Variants in GRIK5 observed in about 807,000 individuals in gnomAD.
GRIK5 encodes glutamate receptor ionotropic, kainate 5.
A neutral mutation model predicts 97.4 loss-of-function variants in GRIK5; 43 were observed. The observed-to-expected ratio is 0.44, with a 90% CI of 0.35 to 0.57. The LOEUF (loss-of-function observed/expected upper bound fraction) is 0.57, where lower values mean the gene tolerates loss of function less well. Ranked by LOEUF, GRIK5 falls within the 20% of genes least tolerant of loss-of-function variation. GRIK5 has a pLI of 0.01. For synonymous variants in GRIK5, 580 were observed against 583.5 expected (o/e 0.99, Z 0.09); for missense variants, 1,015 against 1,382.0 (o/e 0.73, Z 4.21).
rs1188232531 is a variant in GRIK5, at chr19:42,062,810, G to A, written c.290C>T (p.Ser97Phe). Residue 97 changes from serine to phenylalanine, a missense_variant, in exon 4 of 20, where the codon TCC (serine) becomes TTC (phenylalanine). Transcript: ENST00000593562. This position sits in a 1 kb window ranked among gnomAD's most constrained non-coding sequence, Gnocchi z 5.3. Reference sequence around the variant, plus strand: ...GGTGGAGGCAGATGCTGGGCTAGAGGAGGGCCCAAGGACAGACACAACCCC... The same window carrying A: ...GGTGGAGGCAGATGCTGGGCTAGAGAAGGGCCCAAGGACAGACACAACCCC... ...PKGVVSVLGP[S>F]SSPASASTVS... is the part of the protein sequence containing the mutation. The A allele has an allele frequency of 6.2e-7, 1 of 1,614,008 alleles. No homozygotes were observed. Among genetic ancestry groups the A allele is most frequent in the South Asian group, 1.1e-5 (1 of 91,084 alleles).
chr19:42,053,576 C>T, intron 11 of GRIK5, 26 bp downstream of exon 11: 1 of 1,379,140 alleles, frequency 7.3e-7, no homozygotes, highest in South Asian at 1.2e-5. Flanking sequence ...AGCGCCACTC[C>T]CAGGCCCCCA....
rs987697761 is a variant in GRIK5, at chr19:42,070,074, G to A, written c.-884C>T. Among the ~76,000 whole-genome samples the A allele has an allele frequency of 6.7e-6, 1 of 148,222 alleles. No homozygotes were observed. The highest frequency in any genetic ancestry group is 6.7e-5 in the Admixed American group (1 of 15,030). On this transcript the variant is annotated 5_prime_UTR_variant, in exon 1 of 20. Transcript: ENST00000593562. ...CACTCCTGGTCCCCTGTGAGGAGCCGGCTCCAGTCCCCGGCTCCAGTCCCC... is the reference window on the plus strand; with the variant it reads ...CACTCCTGGTCCCCTGTGAGGAGCCAGCTCCAGTCCCCGGCTCCAGTCCCC...
At chr19:42,032,969 G>C (rs2075856768) in intron 12 of GRIK5, among the ~76,000 whole-genome samples, 1 of 152,142 alleles carries the variant, frequency 6.6e-6, no homozygotes, top group Non-Finnish European at 1.5e-5. Flanking sequence ...ATTTTTAAAT[G>C]ATTTAAAAAT....
At chr19:42,058,609 C>T (rs1229944733) in intron 6 of GRIK5, among the ~76,000 whole-genome samples, 2 of 150,254 alleles carry the variant, frequency 1.3e-5, no homozygotes, top group South Asian at 2.1e-4. Flanking sequence ...AGGCAGATCA[C>T]GAGGTTAGGA....
intron 1 of GRIK5, among the ~76,000 whole-genome samples, chr19:42,066,688 AAG>A (rs1308851514): frequency 6.6e-6 from 1 of 151,752 alleles, no homozygotes; most frequent in East Asian, 1.9e-4. Context: ...AGGAGGGAGA[AAG>A]AGGGAAGAGA....
In GRIK5 at chr19:42,056,692, G is replaced by T. The variant is rs1232354280; in HGVS notation, c.873C>A (p.Asn291Lys). The T allele has an allele frequency of 1.3e-5, 21 of 1,613,970 alleles. No homozygotes were observed. Among genetic ancestry groups the T allele is most frequent in the Non-Finnish European group, 1.5e-5 (18 of 1,179,932 alleles). ...VRSLNMSWRE[N>K]CEASTYLGPA... ...GGCCCAGGTAGGTGCTGGCTTCACA[G>T]TTCTCCCTCCAGGACATGTTGAGGC... The change falls in exon 8 of 20, where the codon AAC becomes AAA. Residue 291 changes from asparagine to lysine, a missense_variant. By Grantham distance (94) the Asn-to-Lys change is moderately conservative. This residue lies in a region of GRIK5 where 477 missense variants were observed against 701.1 expected (regional missense o/e 0.68). Transcript: ENST00000593562.
chr19:42,009,791 G>C (rs1220472735), intron 15 of GRIK5, among the ~76,000 whole-genome samples: 1 of 147,520 alleles, frequency 6.8e-6, no homozygotes, highest in African/African-American at 2.5e-5. Context: ...AAAAAGCCAG[G>C]CACAGTGGCT....
intron 5 of GRIK5, among the ~76,000 whole-genome samples, chr19:42,059,758 C>T (rs2146167010): frequency 6.6e-6 from 1 of 152,220 alleles, no homozygotes; most frequent in African/African-American, 2.4e-5. Context: ...CTGTCTCTGC[C>T]ACCTTCCTGA....
intron 5 of GRIK5, 82 bp from the exon 6 acceptor site, chr19:42,059,609 G>A: frequency 8.3e-7 from 1 of 1,206,244 alleles, no homozygotes; most frequent in South Asian, 1.4e-5. Context: ...CTCAACATGG[G>A]GCAGCTGGGC....
rs1307753955 is a variant in GRIK5 at position 42,069,886 on chromosome 19, A to C, written c.-696T>G. Among the ~76,000 whole-genome samples the C allele has an allele frequency of 1.3e-5, 2 of 151,900 alleles. No homozygotes were observed. The highest frequency in any genetic ancestry group is 2.9e-5 in the Non-Finnish European group (2 of 67,918). ...GGGAGTGGAGAGCTGGGGAGGATGGAGAGCTGGGAGACCCGGAGAGGCCAA... is the reference window on the plus strand; with the variant it reads ...GGGAGTGGAGAGCTGGGGAGGATGGCGAGCTGGGAGACCCGGAGAGGCCAA... On this transcript the variant is annotated 5_prime_UTR_variant, in exon 1 of 20. Coordinates refer to ENST00000593562, the MANE Select transcript of GRIK5 (RefSeq NM_002088.5).
intron 15 of GRIK5, among the ~76,000 whole-genome samples, chr19:42,016,677 T>C (rs1258766258): frequency 3.9e-5 from 6 of 152,118 alleles, no homozygotes; most frequent in Non-Finnish European, 8.8e-5. Context: ...GCTGGACACA[T>C]GGAGGGGTCT....
intron 19 of GRIK5, among the ~76,000 whole-genome samples, chr19:42,001,323 G>A (rs1390367596): frequency 6.6e-6 from 1 of 152,222 alleles, no homozygotes; most frequent in Non-Finnish European, 1.5e-5. Context: ...CCACCTCCCA[G>A]ATTCAAGTAA....
At chr19:42,009,871 A>C (rs2146024854) in intron 15 of GRIK5, among the ~76,000 whole-genome samples, 1 of 151,754 alleles carries the variant, frequency 6.6e-6, no homozygotes, top group South Asian at 2.1e-4. Flanking sequence ...GTTCTAGACC[A>C]GCCTGACCAA....
intron 5 of GRIK5, among the ~76,000 whole-genome samples, chr19:42,059,977 T>C (rs184095100): frequency 6.6e-6 from 1 of 152,146 alleles, no homozygotes; most frequent in African/African-American, 2.4e-5. Flanking sequence ...CACCCTGTCC[T>C]GAGCCACCAC....
At chr19:42,055,827 CAT>C in intron 8 of GRIK5, among the ~76,000 whole-genome samples, 2 of 151,874 alleles carry the variant, frequency 1.3e-5, no homozygotes, top group African/African-American at 4.8e-5. Context: ...GGATTACAGG[CAT>C]ACGCCACCAC....
At chr19:42,036,767 G>C (rs1347110537) in intron 12 of GRIK5, among the ~76,000 whole-genome samples, 1 of 152,258 alleles carries the variant, frequency 6.6e-6, no homozygotes, top group Non-Finnish European at 1.5e-5. Context: ...AACCTGCCAT[G>C]TGTCAGGCCC....
At chr19:42,063,934 T>G (rs1200903219) in intron 3 of GRIK5, among the ~76,000 whole-genome samples, 1 of 152,144 alleles carries the variant, frequency 6.6e-6, no homozygotes, top group African/African-American at 2.4e-5. Context: ...AACACCTCAT[T>G]TCCTCCAAAC....
chr19:41,998,828 G>T lies in GRIK5; in HGVS notation c.*43C>A. ...ACTGCTGGGGCCTGGGGCGGGCCCCGTCCCTTCGGTCAGTCCGGGCGCCCG... is the reference window on the plus strand; with the variant it reads ...ACTGCTGGGGCCTGGGGCGGGCCCCTTCCCTTCGGTCAGTCCGGGCGCCCG... On this transcript the variant is annotated 3_prime_UTR_variant, in exon 20 of 20. Coordinates refer to ENST00000593562, the MANE Select transcript of GRIK5 (RefSeq NM_002088.5). The T allele has an allele frequency of 9.7e-7, 1 of 1,027,746 alleles. No homozygotes were observed. The highest frequency in any genetic ancestry group is 1.2e-6 in the Non-Finnish European group (1 of 835,928). The allele number at this position is 1,027,746 out of a possible 1,614,324, so 63.7% of individuals were successfully genotyped here.
intron 11 of GRIK5, among the ~76,000 whole-genome samples, chr19:42,051,973 T>C (rs935217443): frequency 6.6e-6 from 1 of 152,156 alleles, no homozygotes; most frequent in African/African-American, 2.4e-5. Flanking sequence ...TGGTAGTCCC[T>C]CATTGTGGGA....
Sources: gnomAD v4.1 joint callset for allele counts (sites outside exome capture counted in the v4.1 genomes callset) on GRCh38, gnomAD v4.1.1 for gene constraint, gnomAD v4.1.1 regional missense constraint, Gnocchi (gnomAD v3.1) non-coding constraint, MANE v1.5 for transcripts, NCBI Gene and HGNC (gene_info 2026-07-23, HGNC 2026-07-21) for gene names.